Variants in NRXN1 observed in about 807,000 individuals in gnomAD.
The protein encoded by NRXN1 is neurexin-1.
In NRXN1, 39 loss-of-function variants were observed where a neutral mutation model predicts 150.9. The ratio of observed to expected loss-of-function variants is 0.26; its 90% CI spans 0.20 to 0.34. The LOEUF (loss-of-function observed/expected upper bound fraction) is 0.34. NRXN1 is among the 10% of genes least tolerant of loss of function. NRXN1 has a pLI of 1.00. For missense variants in NRXN1, 1,815 were observed against 1,949.9 expected (o/e 0.93, Z 1.30); for synonymous variants, 924 against 757.0 (o/e 1.22, Z -3.62).
At position 50,098,476 on chromosome 2, in the gene NRXN1, G is replaced by A. The variant is rs561664542; in HGVS notation, c.3547-6982C>T. Among the ~76,000 whole-genome samples, 7 of 152,114 alleles carry A rather than the reference G, an allele frequency of 4.6e-5. No homozygotes were observed. The South Asian group carries it at 1.2e-3, about 27-fold the overall frequency. On this transcript the variant is annotated intron_variant, in intron 18 of 22. Coordinates refer to ENST00000401669, the MANE Select transcript of NRXN1 (RefSeq NM_001330078.2). ...CAGCAGGTTCTAATGCAACTCCCAG[G>A]GACATAGAAGTTATGTTCTGTCTAC...
intron 21 of NRXN1, among the ~76,000 whole-genome samples, chr2:49,976,182 C>G (rs1310992384): frequency 7.5e-6 from 1 of 134,144 alleles, no homozygotes; most frequent in Admixed American, 7.5e-5. Flanking sequence ...GCCACCACGC[C>G]CAGCTAATTT....
chr2:50,433,965 A>C (rs1464887438), intron 17 of NRXN1, among the ~76,000 whole-genome samples: 2 of 140,758 alleles, frequency 1.4e-5, no homozygotes, highest in African/African-American at 5.3e-5. Flanking sequence ...GACAATATTT[A>C]TGTTTCACTT....
intron 12 of NRXN1, among the ~76,000 whole-genome samples, chr2:50,517,975 G>A (rs2092677791): frequency 6.6e-6 from 1 of 152,038 alleles, no homozygotes; most frequent in African/African-American, 2.4e-5. Flanking sequence ...CATTGCCTAT[G>A]CAAACGAATA....
At chr2:50,452,562 T>A (rs1390389464) in intron 17 of NRXN1, among the ~76,000 whole-genome samples, 1 of 152,040 alleles carries the variant, frequency 6.6e-6, no homozygotes, top group African/African-American at 2.4e-5. Flanking sequence ...AATATGAAGA[T>A]CTTACTAGAT....
chr2:50,694,506 T>C (rs923220379), intron 5 of NRXN1, among the ~76,000 whole-genome samples: 7 of 152,186 alleles, frequency 4.6e-5, no homozygotes, highest in Middle Eastern at 3.2e-3. Context: ...CTATATTTGT[T>C]AGTTGAAATA....
rs998486990 is a variant in NRXN1, at chr2:50,476,587, C to T, written c.3071-4116G>A. Among the ~76,000 whole-genome samples, 6 of 151,938 alleles carry T rather than the reference C, an allele frequency of 3.9e-5. No individual in the cohort carries two copies. The South Asian group carries it at 8.3e-4, about 21-fold the overall frequency. ...CAGTATATCTGTAAGGATGACACAT[C>T]TATGATGTACCTCAATCTATGCTGA... On this transcript the variant is annotated intron_variant, in intron 15 of 22. Coordinates refer to ENST00000401669, the MANE Select transcript of NRXN1 (RefSeq NM_001330078.2).
chr2:50,559,845 T>C (rs1230832714), intron 8 of NRXN1, among the ~76,000 whole-genome samples: 1 of 152,164 alleles, frequency 6.6e-6, no homozygotes, highest in Non-Finnish European at 1.5e-5. Flanking sequence ...TTTGAAAATT[T>C]CAAAAATTAG....
intron 2 of NRXN1, among the ~76,000 whole-genome samples, chr2:50,938,531 T>C (rs186039552): frequency 6.6e-6 from 1 of 152,164 alleles, no homozygotes; most frequent in African/African-American, 2.4e-5. Flanking sequence ...CCAAAGTTTC[T>C]TCCACATTTT....
chr2:50,924,629 T>G (rs1310648876), intron 3 of NRXN1, among the ~76,000 whole-genome samples: 3 of 151,742 alleles, frequency 2.0e-5, no homozygotes, highest in Non-Finnish European at 4.4e-5. Flanking sequence ...ATCATTTTTA[T>G]CAAGTATATA....
At chr2:50,817,732 C>G (rs1486715935) in intron 5 of NRXN1, among the ~76,000 whole-genome samples, 1 of 151,986 alleles carries the variant, frequency 6.6e-6, no homozygotes, top group Non-Finnish European at 1.5e-5. Flanking sequence ...TAATACACCA[C>G]ATTAGTAGAA....
chr2:50,253,544 G>A (rs1377641149), intron 17 of NRXN1, among the ~76,000 whole-genome samples: 1 of 152,080 alleles, frequency 6.6e-6, no homozygotes, highest in Non-Finnish European at 1.5e-5. Context: ...GATTTGCTGT[G>A]CATTTATCAT....
At chr2:50,706,773 G>A (rs1313629540) in intron 5 of NRXN1, among the ~76,000 whole-genome samples, 4 of 151,280 alleles carry the variant, frequency 2.6e-5, no homozygotes, top group Non-Finnish European at 4.4e-5. Context: ...GATAGCAGAA[G>A]GCAACCAATA....
At chr2:50,897,537 T>C (rs921746805) in intron 5 of NRXN1, among the ~76,000 whole-genome samples, 2 of 152,102 alleles carry the variant, frequency 1.3e-5, no homozygotes, top group Admixed American at 6.5e-5. Flanking sequence ...AGTGAAGAAA[T>C]AAAACATACA....
At chr2:50,458,926 A>G (rs192608652) in intron 17 of NRXN1, among the ~76,000 whole-genome samples, 1 of 152,220 alleles carries the variant, frequency 6.6e-6, no homozygotes, top group African/African-American at 2.4e-5. Flanking sequence ...TTCTTTTTAC[A>G]TTTAAAGTAA....
At chr2:50,928,496 G>A (rs1363143020) in intron 2 of NRXN1, among the ~76,000 whole-genome samples, 1 of 151,934 alleles carries the variant, frequency 6.6e-6, no homozygotes, top group Non-Finnish European at 1.5e-5. Context: ...GGTAGCTCCA[G>A]CATTTACAAC....
chr2:50,587,572 A>G (rs1157462506), intron 8 of NRXN1, among the ~76,000 whole-genome samples: 1 of 152,188 alleles, frequency 6.6e-6, no homozygotes, highest in Non-Finnish European at 1.5e-5. Context: ...TGCTAGGTGA[A>G]GTTAAGTGGT....
intron 12 of NRXN1, among the ~76,000 whole-genome samples, chr2:50,515,924 C>T (rs1436733763): frequency 6.6e-6 from 1 of 152,034 alleles, no homozygotes; most frequent in Non-Finnish European, 1.5e-5. Flanking sequence ...AATTATGACA[C>T]CTTCAGCCTA....
At chr2:50,668,322 C>G (rs997306348) in intron 5 of NRXN1, among the ~76,000 whole-genome samples, 1 of 151,582 alleles carries the variant, frequency 6.6e-6, no homozygotes, top group African/African-American at 2.4e-5. Flanking sequence ...GGGAATGGCT[C>G]AAAGAGTGAA....
intron 22 of NRXN1, among the ~76,000 whole-genome samples, chr2:49,940,423 A>G (rs1031679648): frequency 2.6e-5 from 4 of 152,198 alleles, no homozygotes; most frequent in African/African-American, 9.7e-5. Flanking sequence ...AGCAGCTACA[A>G]TTATTGTTAT....
Sources: gnomAD v4.1 joint callset for allele counts (sites outside exome capture counted in the v4.1 genomes callset) on GRCh38, gnomAD v4.1.1 for gene constraint, MANE v1.5 for transcripts, NCBI Gene and HGNC (gene_info 2026-07-23, HGNC 2026-07-21) for gene names.